PROKR2: variants seen among roughly 807,000 people sequenced by gnomAD.
PROKR2 encodes the protein G protein-coupled receptor 73-like 1.
Under a neutral mutation model 23.4 loss-of-function variants are expected in PROKR2, and 26 were observed. That is an observed-to-expected ratio of 1.11 (90% CI 0.81 to 1.54). The LOEUF is 1.54. Ranked by LOEUF, PROKR2 falls within the 40% of genes most tolerant of loss-of-function variation. PROKR2 has a pLI of 0.00. For missense variants in PROKR2, 453 were observed against 511.5 expected (o/e 0.89, Z 1.10); for synonymous variants, 212 against 201.2 (o/e 1.05, Z -0.45).
intron 2 of PROKR2, among the ~76,000 whole-genome samples, chr20:5,303,244 C>T (rs915372614): frequency 2.6e-5 from 4 of 152,134 alleles, no homozygotes; most frequent in African/African-American, 9.7e-5. Flanking sequence ...AAATAGCTCA[C>T]GGTTTAGGTG....
In PROKR2 at chr20:5,301,623, C is replaced by T. The variant is rs57723524; in HGVS notation, c.*417G>A. 0.045 allele frequency among the ~76,000 whole-genome samples: 6,836 copies of T among 152,266 alleles called. 362 individuals carry two copies. Among genetic ancestry groups the T allele is most frequent in the African/African-American group, 0.12 (4,885 of 41,538 alleles). On this transcript the variant is annotated 3_prime_UTR_variant, in exon 3 of 3. Coordinates refer to ENST00000678254, the MANE Select transcript of PROKR2 (RefSeq NM_144773.4). The stretch of plus-strand genomic sequence containing the variant: ...TATATCTGGAGATAGCTTGGAAACT[C>T]CAATAGCTTCTGCTACTTTGTTATG...
intron 2 of PROKR2, among the ~76,000 whole-genome samples, chr20:5,311,638 A>T (rs906029357): frequency 2.0e-5 from 3 of 152,232 alleles, no homozygotes; most frequent in Admixed American, 1.3e-4. Context: ...GCATTGCCAA[A>T]GGAGATTAAC....
chr20:5,315,856 C>T (rs982443048), intron 1 of PROKR2: 2 of 456,556 alleles, frequency 4.4e-6, no homozygotes, highest in African/African-American at 4.0e-5. Flanking sequence ...AGTCCTACCC[C>T]TCCTCGGCTT....
chr20:5,309,746 C>A (rs895249552), intron 2 of PROKR2, among the ~76,000 whole-genome samples: 4 of 151,820 alleles, frequency 2.6e-5, no homozygotes, highest in Non-Finnish European at 5.9e-5. Flanking sequence ...TAATGCAGAA[C>A]AAATTCACAA....
chr20:5,301,204 G>GTT lies in PROKR2; in HGVS notation c.*835_*836insAA, dbSNP rs1555789442. 7.3e-5 allele frequency among the ~76,000 whole-genome samples: 11 copies of GTT among 151,310 alleles called. No homozygotes were observed. Among genetic ancestry groups the GTT allele is most frequent in the Non-Finnish European group, 5.9e-5 (4 of 67,854 alleles). On this transcript the variant is annotated 3_prime_UTR_variant, in exon 3 of 3. Coordinates refer to ENST00000678254, the MANE Select transcript of PROKR2 (RefSeq NM_144773.4). ...CTAAGAGTCTTCTTCTATAGCCGTT[G>GTT]GTTGTTGTTGTTGTTGTTTTGTTGT...
chr20:5,307,487 AC>A (rs1451675527), intron 2 of PROKR2, among the ~76,000 whole-genome samples: 2 of 152,350 alleles, frequency 1.3e-5, no homozygotes, highest in African/African-American at 4.8e-5. Flanking sequence ...TCAAAAAACT[AC>A]TTGTAAACAA....
chr20:5,305,104 C>T (rs924428942), intron 2 of PROKR2, among the ~76,000 whole-genome samples: 1 of 148,880 alleles, frequency 6.7e-6, no homozygotes, highest in Non-Finnish European at 1.5e-5. Context: ...CAAAATATGT[C>T]CAAAATGTAA....
chr20:5,308,068 C>G (rs919394584), intron 2 of PROKR2, among the ~76,000 whole-genome samples: 3 of 152,100 alleles, frequency 2.0e-5, no homozygotes, highest in African/African-American at 7.2e-5. Flanking sequence ...TTAATCTGTG[C>G]TGTTTGTCTT....
At chr20:5,308,547 G>A (rs1307010620) in intron 2 of PROKR2, among the ~76,000 whole-genome samples, 2 of 152,140 alleles carry the variant, frequency 1.3e-5, no homozygotes, top group African/African-American at 4.8e-5. Flanking sequence ...CTAATGACTG[G>A]CTTGTTGTTA....
At chr20:5,308,787 T>C (rs1182982939) in intron 2 of PROKR2, among the ~76,000 whole-genome samples, 1 of 152,244 alleles carries the variant, frequency 6.6e-6, no homozygotes, top group Non-Finnish European at 1.5e-5. Context: ...TCCAAGTCTC[T>C]GACTGGACTA....
Position 5,307,749 on chromosome 20 carries a change from G to A in PROKR2, c.459-5013C>T, listed in dbSNP as rs1467789465. ...GTTCCTATTATCTGGAACCTTGGTG[G>A]TATAGTGGCACCTCAACCTCAAATA... On this transcript the variant is annotated intron_variant, in intron 2 of 2. Transcript: ENST00000678254. Among the ~76,000 whole-genome samples the A allele has an allele frequency of 2.0e-5, 3 of 152,168 alleles. No individual in the cohort carries two copies. In the East Asian group the frequency reaches 5.8e-4, roughly 29 times the overall value.
At position 5,299,804 on chromosome 20, in the gene PROKR2, C is replaced by T. The variant is rs981801125; in HGVS notation, c.*2236G>A. On this transcript the variant is annotated 3_prime_UTR_variant, in exon 3 of 3. Coordinates refer to ENST00000678254, the MANE Select transcript of PROKR2 (RefSeq NM_144773.4). ...CACGCCAGCTAATTTCTGTATTTTT[C>T]TAGAGATGGGGTTTTTGGCCATGTT... 2.7e-5 allele frequency among the ~76,000 whole-genome samples: 2 copies of T among 73,606 alleles called. No individual in the cohort carries two copies. Among genetic ancestry groups the T allele is most frequent in the Admixed American group, 2.7e-4 (2 of 7,300 alleles). The allele number at this position is 73,606 out of a possible 152,430, so 48.3% of individuals were successfully genotyped here. A position where few individuals can be genotyped will look rare whatever the true frequency, so the allele number is the denominator to read the frequency against.
rs1979047364 is a variant in PROKR2 at position 5,302,622 on chromosome 20, A to C, written c.573T>G (p.Phe191Leu). 1 of 1,614,198 alleles carries C rather than the reference A, an allele frequency of 6.2e-7. No individual in the cohort carries two copies. The highest frequency in any genetic ancestry group is 1.7e-5 in the Admixed American group (1 of 60,018). The change falls in exon 3 of 3, where the codon TTT becomes TTG. Residue 191 changes from phenylalanine to leucine, a missense_variant. Physicochemically the swap from Phe to Leu is conservative, Grantham distance 22. Coordinates refer to ENST00000678254, the MANE Select transcript of PROKR2 (RefSeq NM_144773.4). ...CAATAAAGAGGACCGTTTCTGTTGC[A>C]AAGTAAGCCGATGGGATGGCAATGA... ...SILIAIPSAY[F>L]ATETVLFIVK...
At position 5,308,025 on chromosome 20, in the gene PROKR2, C is replaced by T. The variant is rs181735006; in HGVS notation, c.459-5289G>A. Among the ~76,000 whole-genome samples, 673 of 145,320 alleles carry T rather than the reference C, an allele frequency of 4.6e-3. 3 individuals are homozygous for T. Among genetic ancestry groups the T allele is most frequent in the Non-Finnish European group, 6.6e-3 (439 of 66,452 alleles). ...TAACCCATTAAAATGGATAAAAACA[C>T]TTGGAAGCTCTGTGATTTCAATGAT... On this transcript the variant is annotated intron_variant, in intron 2 of 2. Coordinates refer to ENST00000678254, the MANE Select transcript of PROKR2 (RefSeq NM_144773.4).
rs777219529 is a variant in PROKR2, at chr20:5,299,872, A to G, written c.*2168T>C. ...ACTCCTGACCTCAGGTGATCTGCCC[A>G]TCTTGGCCTCCCGAAGTGCTGGGAT... On this transcript the variant is annotated 3_prime_UTR_variant, in exon 3 of 3. Transcript: ENST00000678254. Among the ~76,000 whole-genome samples, 2 of 152,122 alleles carry G rather than the reference A, an allele frequency of 1.3e-5. No individual in the cohort carries two copies. The highest frequency in any genetic ancestry group is 2.4e-5 in the African/African-American group (1 of 41,426).
chr20:5,316,260 G>T lies in PROKR2; in HGVS notation c.-9+234C>A, dbSNP rs1208092747. The T allele has an allele frequency of 1.3e-5, 6 of 456,490 alleles. No homozygotes were observed. The highest frequency in any genetic ancestry group is 3.1e-5 in the South Asian group (2 of 64,566). 28.3% of individuals were successfully genotyped at this position (456,490 alleles called of 1,614,324 possible). Reference sequence around the variant, plus strand: ...CTACCCGCTGGCTCCCTCTGCCCGCGCCCGCACACCACAGACTCCGCTTAC... The same window carrying T: ...CTACCCGCTGGCTCCCTCTGCCCGCTCCCGCACACCACAGACTCCGCTTAC... On this transcript the variant is annotated intron_variant, in intron 1 of 2. Transcript: ENST00000678254. The surrounding 1 kb of genome is among the most constrained non-coding windows in gnomAD (Gnocchi z 5.0).
chr20:5,309,116 C>T (rs568295423), intron 2 of PROKR2, among the ~76,000 whole-genome samples: 1 of 152,322 alleles, frequency 6.6e-6, no homozygotes, highest in East Asian at 1.9e-4. Context: ...TGGTACAAGG[C>T]TCACAGGGCT....
chr20:5,305,324 C>T (rs562648330), intron 2 of PROKR2, among the ~76,000 whole-genome samples: 4 of 152,338 alleles, frequency 2.6e-5, no homozygotes, highest in African/African-American at 7.2e-5. Context: ...AGCTGTGAGT[C>T]TTCTGCCTGG....
rs750150306 is a variant in PROKR2 at position 5,314,168 on chromosome 20, C to A, written c.202G>T (p.Gly68Cys). The A allele has an allele frequency of 6.2e-7, 1 of 1,614,172 alleles. No homozygotes were observed. Among genetic ancestry groups the A allele is most frequent in the African/African-American group, 1.3e-5 (1 of 75,034 alleles). The part of the protein sequence containing the change: ...IALAGIMLVC[G>C]IGNFVFIAAL... The stretch of plus-strand genomic sequence containing the variant: ...GCGATAAAGACAAAGTTACCGATGC[C>A]GCAGACCAGCATGATGCCTGCCAGT... The change falls in exon 2 of 3, where the codon GGC becomes TGC. Residue 68 changes from glycine (G) to cysteine (C), a missense_variant. Gly to Cys is a radical substitution (Grantham distance 159). Coordinates refer to ENST00000678254, the MANE Select transcript of PROKR2 (RefSeq NM_144773.4).
Sources: allele counts gnomAD v4.1 joint callset (sites outside exome capture counted in the v4.1 genomes callset), GRCh38; gene constraint gnomAD v4.1.1; non-coding constraint Gnocchi (gnomAD v3.1); transcripts MANE v1.5; gene names NCBI Gene and HGNC (gene_info 2026-07-23, HGNC 2026-07-21).